Variants in CHPF2 observed in about 807,000 individuals in gnomAD.
The protein encoded by CHPF2 is chondroitin polymerizing factor 2, non-catalytic subunit.
A neutral mutation model predicts 63.0 loss-of-function variants in CHPF2; 58 were observed. That is an observed-to-expected ratio of 0.92 (90% CI 0.75 to 1.15). The LOEUF (loss-of-function observed/expected upper bound fraction) is 1.15. Among genes scored for constraint, CHPF2 ranks in the 50% most tolerant of loss-of-function variants. CHPF2 has a pLI of 0.00. For missense variants in CHPF2, 1,045 were observed against 1,035.4 expected, an observed-to-expected ratio of 1.01 and a Z score of -0.13; for synonymous variants, 442 against 438.0, an observed-to-expected ratio of 1.01 and a Z score of -0.11.
Position 151,234,206 on chromosome 7 carries a change from T to G in CHPF2, c.195T>G (p.Asp65Glu). The G allele has an allele frequency of 6.2e-7, 1 of 1,613,350 alleles. No homozygotes were observed. Among genetic ancestry groups the G allele is most frequent in the African/African-American group, 1.3e-5 (1 of 74,998 alleles). Residue 65 changes from aspartate to glutamate, a missense_variant, in exon 1 of 4, where the codon GAT (aspartate) becomes GAG (glutamate). Coordinates refer to ENST00000035307, the MANE Select transcript of CHPF2 (RefSeq NM_019015.3). Reference sequence around the variant, plus strand: ...CCAGAGCTCGGCTAGACCAAAGTGATGAAGACTTCAAACCCCGGATTGTCC... The same window carrying G: ...CCAGAGCTCGGCTAGACCAAAGTGAGGAAGACTTCAAACCCCGGATTGTCC... ...PDSRARLDQS[D>E]EDFKPRIVPY...
Position 151,237,387 on chromosome 7 carries a change from A to C in CHPF2, c.1025A>C (p.Asn342Thr). 1 of 1,595,704 alleles carries C rather than the reference A, an allele frequency of 6.3e-7. No homozygotes were observed. The highest frequency in any genetic ancestry group is 8.6e-7 in the Non-Finnish European group (1 of 1,166,458). The change falls in exon 4 of 4, where the codon AAC becomes ACC. Residue 342 changes from asparagine to threonine, a missense_variant. By Grantham distance (65) the Asn-to-Thr change is moderately conservative. Transcript: ENST00000035307. ...EIEQLQAQIR[N>T]LTVLTPEGEA... ...CCTCCAACCCAGGCTCAGATCCGGAACCTGACCGTGCTGACCCCCGAAGGG... is the reference window on the plus strand; with the variant it reads ...CCTCCAACCCAGGCTCAGATCCGGACCCTGACCGTGCTGACCCCCGAAGGG...
chr7:151,232,528 G>C lies in CHPF2; in HGVS notation c.-1484G>C, dbSNP rs529311095. Reference sequence around the variant, plus strand: ...GCTGTGAGGTGGCAGCGGCTGCAGCGGCGGAGCCGGCGCCTCAGCGGGCAC... The same window carrying C: ...GCTGTGAGGTGGCAGCGGCTGCAGCCGCGGAGCCGGCGCCTCAGCGGGCAC... On this transcript the variant is annotated 5_prime_UTR_variant, in exon 1 of 4. Transcript: ENST00000035307. The C allele has an allele frequency of 7.9e-6, 4 of 504,824 alleles. No homozygotes were observed. Among genetic ancestry groups the C allele is most frequent in the Non-Finnish European group, 1.4e-5 (4 of 287,840 alleles). 31.3% of individuals were successfully genotyped at this position (504,824 alleles called of 1,614,324 possible). A position where few individuals can be genotyped will look rare whatever the true frequency, so the allele number is the denominator to read the frequency against.
intron 2 of CHPF2, 66 bp downstream of exon 2, chr7:151,235,678 C>G: frequency 1.4e-6 from 2 of 1,417,758 alleles, no homozygotes; most frequent in Non-Finnish European, 1.9e-6. Flanking sequence ...ATTGGCCTTC[C>G]TCCCAGCAGC....
chr7:151,235,169 C>T lies in CHPF2; in HGVS notation c.385C>T (p.Pro129Ser), dbSNP rs761083896. Residue 129 changes from proline to serine, a missense_variant, in exon 2 of 4, where the codon CCT (proline) becomes TCT (serine). Pro to Ser is a moderately conservative substitution (Grantham distance 74). Transcript: ENST00000035307. The part of the protein sequence containing the change: ...AVNRTVAHHF[P>S]RLLYFTGQRG... ...GAACCGTACGGTGGCCCATCACTTCCCTCGGTTACTCTACTTCACTGGGCA... is the reference window on the plus strand; with the variant it reads ...GAACCGTACGGTGGCCCATCACTTCTCTCGGTTACTCTACTTCACTGGGCA... 12 of 1,613,382 alleles carry T rather than the reference C, an allele frequency of 7.4e-6. No homozygotes were observed. Among genetic ancestry groups the T allele is most frequent in the South Asian group, 2.2e-5 (2 of 91,008 alleles).
At chr7:151,237,033 A>G in intron 3 of CHPF2, 1 of 560,130 alleles carries the variant, frequency 1.8e-6, no homozygotes. Context: ...TGGAGTGTAG[A>G]TGAAAACAAA....
At position 151,232,744 on chromosome 7, in the gene CHPF2, G is replaced by A; in HGVS notation, c.-1268G>A. On this transcript the variant is annotated 5_prime_UTR_variant, in exon 1 of 4. Transcript: ENST00000035307. Reference sequence around the variant, plus strand: ...CCCGAGGGCCTTGGGCGTCCCTCCTGGTCCTGCGCTCGCGGCCTCGATGCT... The same window carrying A: ...CCCGAGGGCCTTGGGCGTCCCTCCTAGTCCTGCGCTCGCGGCCTCGATGCT... The A allele has an allele frequency of 1.3e-6, 2 of 1,509,408 alleles. No homozygotes were observed. Among genetic ancestry groups the A allele is most frequent in the Non-Finnish European group, 1.8e-6 (2 of 1,135,426 alleles). The allele number at this position is 1,509,408 out of a possible 1,614,324, so 93.5% of individuals were successfully genotyped here.
Position 151,238,701 on chromosome 7 carries a change from C to T in CHPF2, c.*20C>T, listed in dbSNP as rs1802789321. On this transcript the variant is annotated 3_prime_UTR_variant, in exon 4 of 4. Coordinates refer to ENST00000035307, the MANE Select transcript of CHPF2 (RefSeq NM_019015.3). Reference sequence around the variant, plus strand: ...ACTTAGCCCGCCTGGGGGCCCTAACCTCATTACCTTTCCTTTGTCTGCCTC... The same window carrying T: ...ACTTAGCCCGCCTGGGGGCCCTAACTTCATTACCTTTCCTTTGTCTGCCTC... 2.5e-6 allele frequency: 4 copies of T among 1,605,478 alleles called. No homozygotes were observed. The highest frequency in any genetic ancestry group is 3.4e-6 in the Non-Finnish European group (4 of 1,176,640).
intron 3 of CHPF2, among the ~76,000 whole-genome samples, 195 bp downstream of exon 3, chr7:151,236,785 G>A (rs991649615): frequency 2.6e-5 from 4 of 152,206 alleles, no homozygotes; most frequent in African/African-American, 7.2e-5. Context: ...GGGGTCCAAA[G>A]CAATCATAAG....
rs1802504503 is a variant in CHPF2 at position 151,232,700 on chromosome 7, C to T, written c.-1312C>T. The T allele has an allele frequency of 6.8e-7, 1 of 1,477,306 alleles. No individual in the cohort carries two copies. 91.5% of individuals were successfully genotyped at this position (1,477,306 alleles called of 1,614,324 possible). Reference sequence around the variant, plus strand: ...ATCCGGTGTCCGCCGGCCCCCGGCCCTGAAACCCGGGCCTCCTCCCCGAGG... The same window carrying T: ...ATCCGGTGTCCGCCGGCCCCCGGCCTTGAAACCCGGGCCTCCTCCCCGAGG... On this transcript the variant is annotated 5_prime_UTR_variant, in exon 1 of 4. Coordinates refer to ENST00000035307, the MANE Select transcript of CHPF2 (RefSeq NM_019015.3).
intron 2 of CHPF2, 109 bp downstream of exon 2, chr7:151,235,721 A>T: frequency 9.2e-7 from 1 of 1,086,648 alleles, no homozygotes; most frequent in Non-Finnish European, 1.3e-6. Flanking sequence ...CTTCCTGGCC[A>T]CTGGCCGCTC....
At position 151,237,875 on chromosome 7, in the gene CHPF2, G is replaced by A. The variant is rs766459811; in HGVS notation, c.1513G>A (p.Ala505Thr). 1.1e-5 allele frequency: 17 copies of A among 1,612,582 alleles called. No individual in the cohort carries two copies. The highest frequency in any genetic ancestry group is 1.4e-5 in the Non-Finnish European group (16 of 1,179,996). Residue 505 changes from alanine to threonine, a missense_variant, in exon 4 of 4, where the codon GCT becomes ACT. By Grantham distance (58) the Ala-to-Thr change is moderately conservative (BLOSUM62 0). Transcript: ENST00000035307. Reference protein sequence around the residue: ...LLVAEAAAAPAFLEAFAANVL... With the variant: ...LLVAEAAAAPTFLEAFAANVL... ...GGTGGCTGAAGCTGCTGCAGCCCCGGCTTTCCTCGAGGCCTTTGCAGCCAA... is the reference window on the plus strand; with the variant it reads ...GGTGGCTGAAGCTGCTGCAGCCCCGACTTTCCTCGAGGCCTTTGCAGCCAA...
In CHPF2 at chr7:151,237,609, G is replaced by T. The variant is rs533407252; in HGVS notation, c.1247G>T (p.Arg416Leu). 1 of 1,613,134 alleles carries T rather than the reference G, an allele frequency of 6.2e-7. No homozygotes were observed. The highest frequency in any genetic ancestry group is 1.1e-5 in the South Asian group (1 of 91,084). ...ALETALEQLN[R>L]RYQPRLRFQK... ...GAGACTGCCCTGGAGCAGCTCAATC[G>T]GCGCTATCAGCCCCGCCTGCGCTTC... is the stretch of plus-strand genomic sequence containing the variant. Residue 416 changes from arginine to leucine, a missense_variant, in exon 4 of 4, where the codon CGG (arginine) becomes CTG (leucine). Arg to Leu is a moderately radical substitution (Grantham distance 102). Coordinates refer to ENST00000035307, the MANE Select transcript of CHPF2 (RefSeq NM_019015.3).
chr7:151,234,176 A>G lies in CHPF2; in HGVS notation c.165A>G (p.Pro55=), dbSNP rs1802558094. The change falls in exon 1 of 4, where the codon CCA becomes CCG. Residue 55 remains proline, a synonymous_variant. Coordinates refer to ENST00000035307, the MANE Select transcript of CHPF2 (RefSeq NM_019015.3). ...AVGERGGPQN[P]DSRARLDQSD... The stretch of plus-strand genomic sequence containing the variant: ...GGGAGCGAGGAGGGCCACAGAATCC[A>G]GATTCCAGAGCTCGGCTAGACCAAA... 1.2e-6 allele frequency: 2 copies of G among 1,613,750 alleles called. No homozygotes were observed. Among genetic ancestry groups the G allele is most frequent in the South Asian group, 1.1e-5 (1 of 91,068 alleles).
Position 151,238,081 on chromosome 7 carries a change from G to A in CHPF2, c.1719G>A (p.Gln573=), listed in dbSNP as rs2150585845. The change falls in exon 4 of 4, where the codon CAG becomes CAA. Residue 573 remains glutamine (Q), a synonymous_variant. Coordinates refer to ENST00000035307, the MANE Select transcript of CHPF2 (RefSeq NM_019015.3). ...WLAVRAEAPS[Q]VRLMDVVSKK... is the part of the protein sequence containing the mutation. ...CTGTGCGAGCAGAGGCCCCTTCCCA[G>A]GTGCGACTCATGGACGTGGTCTCGA... is the stretch of plus-strand genomic sequence containing the variant. 6.2e-7 allele frequency: 1 copy of A among 1,612,376 alleles called. No homozygotes were observed. The highest frequency in any genetic ancestry group is 8.5e-7 in the Non-Finnish European group (1 of 1,179,994).
Position 151,233,815 on chromosome 7 carries a change from C to T in CHPF2, c.-197C>T. 2.4e-6 allele frequency: 3 copies of T among 1,242,580 alleles called. No homozygotes were observed. Among genetic ancestry groups the T allele is most frequent in the Non-Finnish European group, 2.0e-6 (2 of 994,522 alleles). 77.0% of individuals were successfully genotyped at this position (1,242,580 alleles called of 1,614,324 possible). A position where few individuals can be genotyped will look rare whatever the true frequency, so the allele number is the denominator to read the frequency against. On this transcript the variant is annotated 5_prime_UTR_variant, in exon 1 of 4. Coordinates refer to ENST00000035307, the MANE Select transcript of CHPF2 (RefSeq NM_019015.3). ...GACACCTTCACAGTTGAAGAGCAGG[C>T]AGAAGGAGTTGTGAAGACAGGACAA...
chr7:151,233,365 G>A lies in CHPF2; in HGVS notation c.-647G>A. ...GTGGCTCCAGACCGCTCCTGAGTGG[G>A]AGGAGGGGTTCCTGTAGCCGTTGCG... On this transcript the variant is annotated 5_prime_UTR_variant, in exon 1 of 4. Transcript: ENST00000035307. 7 of 985,972 alleles carry A rather than the reference G, an allele frequency of 7.1e-6. No homozygotes were observed. Among genetic ancestry groups the A allele is most frequent in the Non-Finnish European group, 8.4e-6 (7 of 830,274 alleles). 61.1% of individuals were successfully genotyped at this position (985,972 alleles called of 1,614,324 possible).
intron 3 of CHPF2, chr7:151,237,032 G>C: frequency 1.8e-6 from 1 of 559,138 alleles, no homozygotes; most frequent in Admixed American, 2.2e-5. Flanking sequence ...GTGGAGTGTA[G>C]ATGAAAACAA....
chr7:151,232,974 C>A lies in CHPF2; in HGVS notation c.-1038C>A. On this transcript the variant is annotated 5_prime_UTR_variant, in exon 1 of 4. Transcript: ENST00000035307. The stretch of plus-strand genomic sequence containing the variant: ...CTCGCGTCGGGTCTTCGTTCTAGGG[C>A]TAGACTTGGTCTCTGATCGCCGAGA... 7.6e-7 allele frequency: 1 copy of A among 1,311,908 alleles called. No individual in the cohort carries two copies. Among genetic ancestry groups the A allele is most frequent in the South Asian group, 2.1e-5 (1 of 48,162 alleles). 81.3% of individuals were successfully genotyped at this position (1,311,908 alleles called of 1,614,324 possible).
rs758200280 is a variant in CHPF2, at chr7:151,238,093, G to C, written c.1731G>C (p.Met577Ile). The C allele has an allele frequency of 1.9e-6, 3 of 1,612,330 alleles. No homozygotes were observed. The highest frequency in any genetic ancestry group is 1.7e-6 in the Non-Finnish European group (2 of 1,179,996). ...AGGCCCCTTCCCAGGTGCGACTCAT[G>C]GACGTGGTCTCGAAGAAGCACCCTG... ...RAEAPSQVRL[M>I]DVVSKKHPVD... The change falls in exon 4 of 4, where the codon ATG (methionine) becomes ATC (isoleucine). Residue 577 changes from methionine (M) to isoleucine (I), a missense_variant. Transcript: ENST00000035307.
Sources: allele counts gnomAD v4.1 joint callset (sites outside exome capture counted in the v4.1 genomes callset), GRCh38; gene constraint gnomAD v4.1.1; transcripts MANE v1.5; gene names NCBI Gene and HGNC (gene_info 2026-07-23, HGNC 2026-07-21).